The following TMEM114 variants were observed in gnomAD, a reference collection of about 807,000 sequenced individuals.
TMEM114 encodes the protein transmembrane protein 114, also known as claudin-26.
A neutral mutation model predicts 6.2 loss-of-function variants in TMEM114; 6 were observed. That is an observed-to-expected ratio of 0.97 (90% CI 0.53 to 1.91). The LOEUF is 1.91. Among genes scored for constraint, TMEM114 ranks in the 40% most tolerant of loss-of-function variants. The probability of loss-of-function intolerance (pLI) is 0.01; values close to 1 mark genes in which losing one functional copy is unlikely to be tolerated. For synonymous variants in TMEM114, 104 were observed against 73.0 expected (o/e 1.42, Z -2.16); for missense variants, 218 against 158.3 (o/e 1.38, Z -2.02).
chr16:8,558,745 C>CT lies in TMEM114; in HGVS notation n.213-20920dup, dbSNP rs5815478. 1.2e-3 allele frequency among the ~76,000 whole-genome samples: 175 copies of CT among 145,298 alleles called. 1 individual carries two copies. Among genetic ancestry groups the CT allele is most frequent in the Non-Finnish European group, 1.3e-3 (88 of 66,086 alleles). ...GATGCCAGTATGATTGCACCCAGTT[C>CT]TTTTTTTTTTTTTCGACATGGAGTT... On this transcript the variant is annotated intron_variant and non_coding_transcript_variant, in intron 2 of 2. Transcript: ENST00000623677.
At chr16:8,530,261 G>T in the TMEM114 span, among the ~76,000 whole-genome samples, 1 of 152,128 alleles carries the variant, frequency 6.6e-6, no homozygotes, top group Non-Finnish European at 1.5e-5. Context: ...TGAGCTGATT[G>T]CTCACTGGCA....
At chr16:8,586,342 C>T (rs746508918) in intron 2 of TMEM114, among the ~76,000 whole-genome samples, 14 of 152,098 alleles carry the variant, frequency 9.2e-5, no homozygotes, top group Non-Finnish European at 1.9e-4. Context: ...GAAGTCTAAC[C>T]ATATCCCTTG....
chr16:8,533,887 G>A (rs547523445), downstream of TMEM114, among the ~76,000 whole-genome samples: 2 of 152,280 alleles, frequency 1.3e-5, no homozygotes, highest in South Asian at 4.1e-4. Flanking sequence ...AGTGATACCT[G>A]TCCAGGAGAA....
At chr16:8,537,326 C>G (rs934311688), downstream of TMEM114, among the ~76,000 whole-genome samples, 4 of 152,116 alleles carry the variant, frequency 2.6e-5, no homozygotes, top group African/African-American at 9.7e-5. Flanking sequence ...CATCATGAAA[C>G]CCCGTCTCTA....
intron 2 of TMEM114, among the ~76,000 whole-genome samples, chr16:8,575,378 C>A (rs1346087425): frequency 6.6e-6 from 1 of 152,228 alleles, no homozygotes; most frequent in Non-Finnish European, 1.5e-5. Context: ...TCCTCTCTTG[C>A]ACGCATGTTG....
At chr16:8,546,955 G>T (rs1012212808) in intron 2 of TMEM114, among the ~76,000 whole-genome samples, 1 of 152,204 alleles carries the variant, frequency 6.6e-6, no homozygotes, top group Admixed American at 6.5e-5. Context: ...TGGGAGGACA[G>T]GGGAAAGCCA....
intron 2 of TMEM114, among the ~76,000 whole-genome samples, chr16:8,554,152 C>A (rs1237524209): frequency 1.3e-5 from 2 of 152,072 alleles, no homozygotes; most frequent in African/African-American, 4.8e-5. Context: ...GACTACTTCA[C>A]TGTAACAGAA....
chr16:8,562,590 A>AAGTGAATGAGTGAGTGAGTG (rs1901291271), intron 2 of TMEM114, among the ~76,000 whole-genome samples: 1 of 89,018 alleles, frequency 1.1e-5, no homozygotes, highest in Non-Finnish European at 2.5e-5. Flanking sequence ...GGAAATAAGT[A>AAGTGAATGAGTGAGTGAGTG]AGTGAATGAG....
At chr16:8,567,639 C>T (rs752192671), downstream of TMEM114, among the ~76,000 whole-genome samples, 20 of 152,164 alleles carry the variant, frequency 1.3e-4, no homozygotes, top group Admixed American at 6.5e-5. Context: ...CTAAGAACAA[C>T]CAAAACTGTC....
At chr16:8,559,285 C>T (rs1211870031) in intron 2 of TMEM114, among the ~76,000 whole-genome samples, 1 of 152,190 alleles carries the variant, frequency 6.6e-6, no homozygotes, top group Non-Finnish European at 1.5e-5. Flanking sequence ...TCAAGTGATC[C>T]GCCCACCTCA....
chr16:8,588,173 G>A (rs1466386447), intron 2 of TMEM114, among the ~76,000 whole-genome samples: 1 of 151,686 alleles, frequency 6.6e-6, no homozygotes, highest in African/African-American at 2.4e-5. Flanking sequence ...TGTAGTTTCA[G>A]CTACTCAGGA....
chr16:8,578,798 G>T (rs566126395), intron 2 of TMEM114, among the ~76,000 whole-genome samples: 72 of 152,242 alleles, frequency 4.7e-4, no homozygotes, highest in Non-Finnish European at 7.4e-4. Context: ...GGGCAACATG[G>T]TGAAACCCCG....
At chr16:8,587,240 A>C (rs1293522121) in intron 2 of TMEM114, among the ~76,000 whole-genome samples, 1 of 152,196 alleles carries the variant, frequency 6.6e-6, no homozygotes, top group Non-Finnish European at 1.5e-5. Context: ...ATAAATACAT[A>C]TATTGAGCTC....
At chr16:8,577,777 G>A (rs970476998) in intron 2 of TMEM114, among the ~76,000 whole-genome samples, 1 of 151,976 alleles carries the variant, frequency 6.6e-6, no homozygotes, top group African/African-American at 2.4e-5. Context: ...AGTAGAGACG[G>A]CATTTCACCA....
chr16:8,532,250 G>C, the TMEM114 span, among the ~76,000 whole-genome samples: 1 of 152,100 alleles, frequency 6.6e-6, no homozygotes, highest in Non-Finnish European at 1.5e-5. Flanking sequence ...TTAAATGAAC[G>C]TAACTCCTAG....
chr16:8,542,696 C>G (rs929995019), intron 2 of TMEM114, among the ~76,000 whole-genome samples: 6 of 152,048 alleles, frequency 3.9e-5, no homozygotes, highest in African/African-American at 1.4e-4. Flanking sequence ...TTCAGAAGCA[C>G]TACACTAAAT....
chr16:8,554,538 A>G (rs35089238), intron 2 of TMEM114, among the ~76,000 whole-genome samples: 68,751 of 151,628 alleles, frequency 0.45, 16,476 homozygotes, highest in African/African-American at 0.6. Context: ...TTGATCCTCC[A>G]CCCCCAGCCG....
the TMEM114 span, among the ~76,000 whole-genome samples, chr16:8,527,032 A>G: frequency 6.6e-6 from 1 of 152,122 alleles, no homozygotes; most frequent in Admixed American, 6.5e-5. Flanking sequence ...ACATGGGGAA[A>G]CCCCAACTCT....
At chr16:8,552,963 G>A (rs1181485140) in intron 2 of TMEM114, among the ~76,000 whole-genome samples, 1 of 152,166 alleles carries the variant, frequency 6.6e-6, no homozygotes, top group African/African-American at 2.4e-5. Flanking sequence ...AACTTTCCCC[G>A]AGTGATCTCC....
Sources: allele counts gnomAD v4.1 joint callset (sites outside exome capture counted in the v4.1 genomes callset), GRCh38; gene constraint gnomAD v4.1.1; transcripts MANE v1.5; gene names NCBI Gene and HGNC (gene_info 2026-07-23, HGNC 2026-07-21).